The following PARP8 variants were observed in gnomAD, a reference collection of about 807,000 sequenced individuals.
PARP8 encodes the protein protein mono-ADP-ribosyltransferase PARP8.
A neutral mutation model predicts 124.1 loss-of-function variants in PARP8; 51 were observed. That is an observed-to-expected ratio of 0.41 (90% CI 0.33 to 0.52). The LOEUF (loss-of-function observed/expected upper bound fraction) is 0.52, where lower values mean the gene tolerates loss of function less well. Ranked by LOEUF, PARP8 falls within the 20% of genes least tolerant of loss-of-function variation. The pLI, the probability that PARP8 is intolerant of heterozygous loss-of-function variation, is 0.21. For missense variants in PARP8, 860 were observed against 1,018.9 expected (o/e 0.84, Z 2.12); for synonymous variants, 391 against 361.5 (o/e 1.08, Z -0.93).
intron 2 of PARP8, among the ~76,000 whole-genome samples, chr5:50,715,123 C>G (rs191175576): frequency 6.6e-6 from 1 of 152,150 alleles, no homozygotes; most frequent in African/African-American, 2.4e-5. Context: ...TGACCCATGG[C>G]AGTGCCTCCT....
intron 21 of PARP8, among the ~76,000 whole-genome samples, chr5:50,828,729 T>TTATATATATATA (rs60312448): frequency 5.5e-5 from 8 of 146,108 alleles, no homozygotes; most frequent in South Asian, 2.2e-4. Flanking sequence ...AAAATACAAA[T>TTATATATATATA]TATATATATA....
Position 50,842,060 on chromosome 5 carries a change from A to G in PARP8, c.2557A>G (p.Thr853Ala), listed in dbSNP as rs775377369. 3 of 1,596,310 alleles carry G rather than the reference A, an allele frequency of 1.9e-6. No individual in the cohort carries two copies. The South Asian group carries it at 3.3e-5, about 18-fold the overall frequency. Residue 853 changes from threonine (T) to alanine (A), a missense_variant, in exon 26 of 26, where the codon ACT becomes GCT. Transcript: ENST00000281631. Reference protein sequence around the residue: ...ILRVIGNQTATG With the variant: ...ILRVIGNQTAAG The stretch of plus-strand genomic sequence containing the variant: ...CCGAGTAATTGGTAATCAAACTGCT[A>G]CTGGTTAAAGGACCACCATTTAATT...
Position 50,842,263 on chromosome 5 carries a change from T to A in PARP8, c.*195T>A. ...GGTATAAGATTTATCAATTGTAGGG[T>A]TATGGAATCTAGTAATAAAATTTCA... On this transcript the variant is annotated 3_prime_UTR_variant, in exon 26 of 26. Transcript: ENST00000281631. 1 of 404,944 alleles carries A rather than the reference T, an allele frequency of 2.5e-6. No homozygotes were observed. Among genetic ancestry groups the A allele is most frequent in the Non-Finnish European group, 4.4e-6 (1 of 227,970 alleles). 25.1% of individuals were successfully genotyped at this position (404,944 alleles called of 1,614,324 possible). A position where few individuals can be genotyped will look rare whatever the true frequency, so the allele number is the denominator to read the frequency against.
intron 2 of PARP8, among the ~76,000 whole-genome samples, chr5:50,723,570 G>A (rs1488609534): frequency 7.2e-5 from 11 of 151,842 alleles, no homozygotes; most frequent in Non-Finnish European, 1.0e-4. Context: ...CTAGATTTTT[G>A]TGCTAATTGT....
At chr5:50,750,576 A>G (rs542196118) in intron 3 of PARP8, among the ~76,000 whole-genome samples, 12 of 152,056 alleles carry the variant, frequency 7.9e-5, no homozygotes, top group Admixed American at 1.3e-4. Flanking sequence ...GTGTGTATCT[A>G]TTTTTTCTTT....
intron 2 of PARP8, among the ~76,000 whole-genome samples, chr5:50,729,932 T>C (rs943933007): frequency 1.3e-5 from 2 of 152,202 alleles, no homozygotes; most frequent in East Asian, 1.9e-4. Context: ...CATTTTACAA[T>C]GCAGAGTGAG....
intron 9 of PARP8, among the ~76,000 whole-genome samples, chr5:50,785,867 C>T (rs1300622769): frequency 6.6e-6 from 1 of 152,086 alleles, no homozygotes; most frequent in African/African-American, 2.4e-5. Flanking sequence ...TGCTGCCCCA[C>T]CTGTTGCTGT....
At chr5:50,785,765 GTGGCCAACAGGGGATACCATT>G (rs1400710227) in intron 9 of PARP8, among the ~76,000 whole-genome samples, 3 of 152,152 alleles carry the variant, frequency 2.0e-5, no homozygotes, top group Admixed American at 6.6e-5. Context: ...TCCCAGAGTA[GTGGCCAACAGGGGATACCATT>G]TGGCTTACAA....
chr5:50,807,117 A>T (rs942772630), intron 14 of PARP8, among the ~76,000 whole-genome samples: 2 of 151,528 alleles, frequency 1.3e-5, no homozygotes, highest in African/African-American at 4.8e-5. Flanking sequence ...TTTTTTGATG[A>T]CATAAATCCT....
In PARP8 at chr5:50,666,747, G is replaced by A. The variant is rs1749320870; in HGVS notation, c.-349G>A. 8 of 558,042 alleles carry A rather than the reference G, an allele frequency of 1.4e-5. No homozygotes were observed. Among genetic ancestry groups the A allele is most frequent in the Non-Finnish European group, 1.9e-5 (8 of 413,370 alleles). The allele number at this position is 558,042 out of a possible 1,614,324, so 34.6% of individuals were successfully genotyped here. On this transcript the variant is annotated 5_prime_UTR_variant, in exon 1 of 26. Coordinates refer to ENST00000281631, the MANE Select transcript of PARP8 (RefSeq NM_024615.4). Reference sequence around the variant, plus strand: ...CGGTGATTGCTCTCTGGCTGTCCCCGGCACCTCGGCCCCCACGGCCGTTGG... The same window carrying A: ...CGGTGATTGCTCTCTGGCTGTCCCCAGCACCTCGGCCCCCACGGCCGTTGG...
intron 7 of PARP8, among the ~76,000 whole-genome samples, chr5:50,776,415 G>A (rs1328000227): frequency 6.6e-6 from 1 of 152,140 alleles, no homozygotes; most frequent in Non-Finnish European, 1.5e-5. Flanking sequence ...AACAGGTTTG[G>A]AAGAATTCCT....
chr5:50,809,996 A>C (rs1744260344), intron 14 of PARP8, among the ~76,000 whole-genome samples: 1 of 152,040 alleles, frequency 6.6e-6, no homozygotes. Context: ...AGGGCTTAAT[A>C]CATTTTTTGA....
At chr5:50,751,435 A>G (rs796390647) in intron 3 of PARP8, among the ~76,000 whole-genome samples, 37 of 152,286 alleles carry the variant, frequency 2.4e-4, no homozygotes, top group African/African-American at 8.2e-4. Flanking sequence ...GTGTAAGTAT[A>G]TATATTTAAT....
chr5:50,692,173 T>G (rs536717688), intron 2 of PARP8, among the ~76,000 whole-genome samples: 24 of 152,196 alleles, frequency 1.6e-4, no homozygotes, highest in Non-Finnish European at 3.2e-4. Flanking sequence ...CCCTTCCTTG[T>G]TATTCTATTG....
intron 2 of PARP8, among the ~76,000 whole-genome samples, chr5:50,747,172 T>G (rs1437780868): frequency 2.8e-5 from 4 of 145,148 alleles, no homozygotes; most frequent in Admixed American, 1.4e-4. Flanking sequence ...TGTTTTTTTT[T>G]TTTTTTTTGT....
chr5:50,768,552 T>G (rs1761279783), intron 7 of PARP8, among the ~76,000 whole-genome samples: 1 of 152,152 alleles, frequency 6.6e-6, no homozygotes, highest in South Asian at 2.1e-4. Flanking sequence ...TTAAAAAAAT[T>G]TGAATTCATC....
At chr5:50,823,941 T>C (rs1222417980) in intron 17 of PARP8, among the ~76,000 whole-genome samples, 1 of 152,244 alleles carries the variant, frequency 6.6e-6, no homozygotes, top group Non-Finnish European at 1.5e-5. Flanking sequence ...GCACCCTGTT[T>C]CGGTGTGTAC....
Position 50,834,011 on chromosome 5 carries a change from G to A in PARP8, c.2340G>A (p.Leu780=). The change falls in exon 24 of 26, where the codon CTG becomes CTA. Residue 780 remains leucine (L), a synonymous_variant. Coordinates refer to ENST00000281631, the MANE Select transcript of PARP8 (RefSeq NM_024615.4). ...AAAAAGGACAGCAATCCCAATTCCTGCAAAGCCGTAACTTAAAATGCATAG... is the reference window on the plus strand; with the variant it reads ...AAAAAGGACAGCAATCCCAATTCCTACAAAGCCGTAACTTAAAATGCATAG... ...SQKKGQQSQF[L]QSRNLKCIAL... is the part of the protein sequence containing the mutation. The A allele has an allele frequency of 1.9e-6, 3 of 1,612,258 alleles. No individual in the cohort carries two copies. The highest frequency in any genetic ancestry group is 2.5e-6 in the Non-Finnish European group (3 of 1,178,898).
chr5:50,802,576 C>T (rs186883472), intron 14 of PARP8, among the ~76,000 whole-genome samples: 15 of 152,138 alleles, frequency 9.9e-5, no homozygotes, highest in African/African-American at 2.6e-4. Flanking sequence ...TCCCTTCTCC[C>T]GAAGTACTGA....
Sources: gnomAD v4.1 joint callset for allele counts (sites outside exome capture counted in the v4.1 genomes callset) on GRCh38, gnomAD v4.1.1 for gene constraint, MANE v1.5 for transcripts, NCBI Gene and HGNC (gene_info 2026-07-23, HGNC 2026-07-21) for gene names.